The following ATP10B variants were observed in gnomAD, a reference collection of about 807,000 sequenced individuals.
ATP10B encodes the protein phospholipid-transporting ATPase VB.
Under a neutral mutation model 141.2 loss-of-function variants are expected in ATP10B, and 122 were observed. That is an observed-to-expected ratio of 0.86 (90% CI 0.75 to 1.00). The LOEUF (loss-of-function observed/expected upper bound fraction) is 1.00, where lower values mean the gene tolerates loss of function less well. Among genes scored for constraint, ATP10B ranks in the 50% least tolerant of loss-of-function variants. The pLI is 0.00. For synonymous variants in ATP10B, 685 were observed against 692.0 expected (o/e 0.99, Z 0.16); for missense variants, 1,876 against 1,825.3 (o/e 1.03, Z -0.51).
At chr5:160,634,640 C>A in intron 11 of ATP10B, 34 bp from the exon 12 acceptor site, 1 of 1,561,492 alleles carries the variant, frequency 6.4e-7, no homozygotes, top group South Asian at 1.2e-5. Flanking sequence ...ATTCAGAAAC[C>A]AGGCAGGTTC....
intron 23 of ATP10B, 41 bp downstream of exon 23, chr5:160,591,018 C>T (rs554018271): frequency 1.3e-6 from 2 of 1,543,260 alleles, no homozygotes; most frequent in East Asian, 4.5e-5. Flanking sequence ...ACCAGTTCTT[C>T]TCTGCAATTT....
chr5:160,571,133 C>A (rs1754850609), intron 24 of ATP10B, among the ~76,000 whole-genome samples: 1 of 152,240 alleles, frequency 6.6e-6, no homozygotes, highest in South Asian at 2.1e-4. Context: ...TCATCACAGT[C>A]TTTTCAAAGA....
At chr5:160,569,093 C>T (rs1754721468) in intron 25 of ATP10B, among the ~76,000 whole-genome samples, 1 of 152,172 alleles carries the variant, frequency 6.6e-6, no homozygotes, top group East Asian at 1.9e-4. Context: ...ATCTGTACTC[C>T]ATCTGGCTTG....
At chr5:160,741,399 A>G (rs1389220907) in intron 2 of ATP10B, among the ~76,000 whole-genome samples, 1 of 152,138 alleles carries the variant, frequency 6.6e-6, no homozygotes, top group Non-Finnish European at 1.5e-5. Context: ...CCCTTCTGGG[A>G]GTGAGAAATA....
At chr5:160,746,545 C>T (rs568718162) in intron 2 of ATP10B, among the ~76,000 whole-genome samples, 222 of 152,182 alleles carry the variant, frequency 1.5e-3, no homozygotes, top group African/African-American at 5.2e-3. Context: ...GCACCTGCCA[C>T]CACGCCCAGC....
rs751788971 is a variant in ATP10B at position 160,670,595 on chromosome 5, A to C, written c.543T>G (p.Asn181Lys). 4.3e-6 allele frequency: 7 copies of C among 1,613,880 alleles called. No homozygotes were observed. Among genetic ancestry groups the C allele is most frequent in the Non-Finnish European group, 4.2e-6 (5 of 1,179,842 alleles). Residue 181 changes from asparagine to lysine, a missense_variant, in exon 7 of 26, where the codon AAT (asparagine) becomes AAG (lysine). Coordinates refer to ENST00000327245, the MANE Select transcript of ATP10B (RefSeq NM_025153.3). ...RVGDFIQMKCNEIVPADILLL... is the reference protein window; with the variant it reads ...RVGDFIQMKCKEIVPADILLL... ...GGAGTATGTCTGCTGGGACAATCTC[A>C]TTGCATTTCATTTGGATGAAGTCTC...
At chr5:160,764,707 T>C (rs1210484596) in intron 2 of ATP10B, among the ~76,000 whole-genome samples, 3 of 152,168 alleles carry the variant, frequency 2.0e-5, no homozygotes, top group Admixed American at 2.0e-4. Context: ...CTGGAAGTCC[T>C]AGCCAGAGCA....
intron 24 of ATP10B, among the ~76,000 whole-genome samples, chr5:160,579,706 T>C (rs1364523014): frequency 1.3e-5 from 2 of 152,226 alleles, no homozygotes; most frequent in Non-Finnish European, 2.9e-5. Context: ...GTGGAGAAAG[T>C]CAGTGGTAGC....
chr5:160,805,434 C>A (rs902182961), intron 1 of ATP10B, among the ~76,000 whole-genome samples: 4 of 152,192 alleles, frequency 2.6e-5, no homozygotes, highest in African/African-American at 9.7e-5. Flanking sequence ...CTATTTAGAT[C>A]ATCACTGAGG....
intron 13 of ATP10B, among the ~76,000 whole-genome samples, chr5:160,624,041 C>T (rs1267389135): frequency 6.6e-6 from 1 of 152,194 alleles, no homozygotes; most frequent in Non-Finnish European, 1.5e-5. Context: ...TTGCACAATG[C>T]TTTCACATAA....
the ATP10B span, among the ~76,000 whole-genome samples, chr5:160,881,970 G>A: frequency 2.0e-5 from 3 of 152,008 alleles, no homozygotes; most frequent in Admixed American, 6.6e-5. Flanking sequence ...TGAAAATACA[G>A]AGTAACCTTA....
chr5:160,596,304 C>A (rs1197011110), intron 22 of ATP10B, among the ~76,000 whole-genome samples: 1 of 151,886 alleles, frequency 6.6e-6, no homozygotes, highest in Non-Finnish European at 1.5e-5. Context: ...CGTGATTATC[C>A]CAATAGATGC....
intron 6 of ATP10B, among the ~76,000 whole-genome samples, chr5:160,683,514 C>A (rs1763559183): frequency 6.6e-6 from 1 of 152,240 alleles, no homozygotes; most frequent in Non-Finnish European, 1.5e-5. Flanking sequence ...ACCTTTCACT[C>A]CCCTGGAGAA....
At chr5:160,632,068 G>C in intron 13 of ATP10B, 61 bp downstream of exon 13, 11 of 1,481,982 alleles carry the variant, frequency 7.4e-6, no homozygotes, top group South Asian at 1.3e-5. Context: ...TCACATTCCA[G>C]AGCACCCTCC....
intron 7 of ATP10B, among the ~76,000 whole-genome samples, chr5:160,651,217 T>C (rs1760709891): frequency 6.6e-6 from 1 of 152,150 alleles, no homozygotes; most frequent in Non-Finnish European, 1.5e-5. Flanking sequence ...TTAAATCTCA[T>C]GGGCTGGGAT....
chr5:160,583,482 A>G (rs6888258), intron 24 of ATP10B, among the ~76,000 whole-genome samples: 119,541 of 152,156 alleles, frequency 0.79, 47,114 homozygotes, highest in East Asian at 0.85. Flanking sequence ...GCCAGCCAGA[A>G]CTTTCCTGTA....
intron 1 of ATP10B, among the ~76,000 whole-genome samples, chr5:160,824,415 G>A (rs573875191): frequency 6.6e-6 from 1 of 152,278 alleles, no homozygotes; most frequent in Admixed American, 6.5e-5. Flanking sequence ...AGAAGTCAGT[G>A]GTTGCAACTG....
chr5:160,760,272 G>A (rs1399772891), intron 2 of ATP10B, among the ~76,000 whole-genome samples: 3 of 152,180 alleles, frequency 2.0e-5, no homozygotes, highest in Admixed American at 1.3e-4. Context: ...AGGTGTGACC[G>A]GATTTTAAAT....
intron 2 of ATP10B, among the ~76,000 whole-genome samples, chr5:160,723,324 T>C (rs1039664471): frequency 6.6e-6 from 1 of 152,152 alleles, no homozygotes; most frequent in African/African-American, 2.4e-5. Flanking sequence ...GGAGGAGATA[T>C]ATAAAGAAAA....
Sources: gnomAD v4.1 joint callset for allele counts (sites outside exome capture counted in the v4.1 genomes callset) on GRCh38, gnomAD v4.1.1 for gene constraint, MANE v1.5 for transcripts, NCBI Gene and HGNC (gene_info 2026-07-23, HGNC 2026-07-21) for gene names.